Variants in WWC2 observed in about 807,000 individuals in gnomAD.
The protein encoded by WWC2 is protein WWC2.
Under a neutral mutation model 138.5 loss-of-function variants are expected in WWC2, and 101 were observed. The observed-to-expected ratio is 0.73, with a 90% CI of 0.62 to 0.86. The LOEUF is 0.86. Ranked by LOEUF, WWC2 falls within the 40% of genes least tolerant of loss-of-function variation. The probability of loss-of-function intolerance (pLI) is 0.00; values close to 1 mark genes in which losing one functional copy is unlikely to be tolerated. For synonymous variants in WWC2, 558 were observed against 538.4 expected (o/e 1.04, Z -0.50); for missense variants, 1,420 against 1,419.4 (o/e 1.00, Z -0.01).
chr4:183,286,081 T>G (rs1054162775), intron 20 of WWC2, 22 bp downstream of exon 20: 6 of 1,550,632 alleles, frequency 3.9e-6, no homozygotes, highest in Non-Finnish European at 5.2e-6. Context: ...CTCAGCCACG[T>G]CCCACTGTCC....
chr4:183,223,800 G>A (rs1036478977), intron 4 of WWC2, among the ~76,000 whole-genome samples: 16 of 151,966 alleles, frequency 1.1e-4, no homozygotes, highest in Non-Finnish European at 1.6e-4. Flanking sequence ...CGGCAATCTC[G>A]GCTCACTGCA....
intron 1 of WWC2, among the ~76,000 whole-genome samples, chr4:183,168,925 C>T (rs1414667249): frequency 6.6e-6 from 1 of 152,100 alleles, no homozygotes; most frequent in Non-Finnish European, 1.5e-5. Context: ...CTCGGCTCGC[C>T]ACAACCTCTG....
In WWC2 at chr4:183,265,713, T is replaced by G; in HGVS notation, c.2065T>G (p.Tyr689Asp). 1 of 1,611,798 alleles carries G rather than the reference T, an allele frequency of 6.2e-7. No homozygotes were observed. Among genetic ancestry groups the G allele is most frequent in the Non-Finnish European group, 8.5e-7 (1 of 1,179,024 alleles). ...ACCTAGTGAAATGGAAGATGTCACA[T>G]ACAGTGAAGAGGATGTAGCCATTGT... ...KQPSEMEDVT[Y>D]SEEDVAIVET... Residue 689 changes from tyrosine (Y) to aspartate (D), a missense_variant, in exon 13 of 23, where the codon TAC becomes GAC. Transcript: ENST00000403733.
intron 1 of WWC2, among the ~76,000 whole-genome samples, chr4:183,182,385 C>G (rs140079823): frequency 6.6e-6 from 1 of 152,156 alleles, no homozygotes; most frequent in Admixed American, 6.5e-5. Flanking sequence ...ATTGAGGCAG[C>G]CTTGGTGGAT....
Position 183,269,101 on chromosome 4 carries a change from C to G in WWC2, c.2338C>G (p.Gln780Glu). Residue 780 changes from glutamine to glutamate, a missense_variant, in exon 15 of 23, where the codon CAA becomes GAA. Physicochemically the swap from Gln to Glu is conservative, Grantham distance 29 (BLOSUM62 2). Transcript: ENST00000403733. ...FRVAISQTAL[Q>E]QKTLRVDLCS... The stretch of plus-strand genomic sequence containing the variant: ...AGTCGCCATTTCCCAAACAGCCTTA[C>G]AACAGAAGACACTGAGGGTAGACCT... 6.2e-7 allele frequency: 1 copy of G among 1,613,942 alleles called. No homozygotes were observed. The highest frequency in any genetic ancestry group is 8.5e-7 in the Non-Finnish European group (1 of 1,179,882).
intron 1 of WWC2, among the ~76,000 whole-genome samples, chr4:183,124,468 T>C (rs1354405320): frequency 1.3e-5 from 2 of 151,936 alleles, no homozygotes; most frequent in African/African-American, 4.8e-5. Context: ...AAATGACTCT[T>C]TCTAATTCGG....
At position 183,286,032 on chromosome 4, in the gene WWC2, C is replaced by T. The variant is rs143833862; in HGVS notation, c.3114C>T (p.Thr1038=). Residue 1038 remains threonine, a synonymous_variant, in exon 20 of 23, where the codon ACC becomes ACT. Coordinates refer to ENST00000403733, the MANE Select transcript of WWC2 (RefSeq NM_024949.6). ...AATCACTGTTTGTGAGAAACTCCAC[C>T]GAACGCCGCAGTTTGAGGGTCAAAA... ...AKKSLFVRNS[T]ERRSLRVKRT... is the part of the protein sequence containing the mutation. The T allele has an allele frequency of 2.6e-5, 41 of 1,587,158 alleles. 1 individual carries two copies. Among genetic ancestry groups the T allele is most frequent in the Admixed American group, 1.1e-4 (6 of 56,034 alleles).
intron 1 of WWC2, among the ~76,000 whole-genome samples, chr4:183,180,281 C>T (rs779655921): frequency 2.0e-5 from 3 of 152,278 alleles, no homozygotes; most frequent in East Asian, 1.9e-4. Context: ...GCATCTGCAA[C>T]GCAGATATCC....
chr4:183,137,352 A>G (rs879622524), intron 1 of WWC2, among the ~76,000 whole-genome samples: 20 of 152,018 alleles, frequency 1.3e-4, no homozygotes, highest in Admixed American at 3.9e-4. Flanking sequence ...TCCTTGTTCT[A>G]TAAGCTTTTT....
chr4:183,107,866 AATC>A (rs1243509893), intron 1 of WWC2, among the ~76,000 whole-genome samples: 1 of 151,962 alleles, frequency 6.6e-6, no homozygotes, highest in East Asian at 1.9e-4. Context: ...TAGTGTGCAT[AATC>A]ATCATTTAAA....
intron 22 of WWC2, among the ~76,000 whole-genome samples, chr4:183,315,218 G>A (rs1739397006): frequency 1.3e-5 from 2 of 152,124 alleles, no homozygotes; most frequent in South Asian, 2.1e-4. Flanking sequence ...TCGTGGTGTC[G>A]CTCATCAGGT....
intron 2 of WWC2, among the ~76,000 whole-genome samples, chr4:183,196,646 C>G (rs1262765193): frequency 6.6e-6 from 1 of 152,222 alleles, no homozygotes. Context: ...TCATCTCCTG[C>G]CCTGCCTGGC....
At chr4:183,296,921 G>A (rs1367419460) in intron 21 of WWC2, among the ~76,000 whole-genome samples, 80 of 113,770 alleles carry the variant, frequency 7.0e-4, no homozygotes, top group African/African-American at 2.6e-3. Context: ...GCAACAGAGC[G>A]AGACTCCGTC....
At chr4:183,170,493 G>A (rs1489656284) in intron 1 of WWC2, among the ~76,000 whole-genome samples, 1 of 152,140 alleles carries the variant, frequency 6.6e-6, no homozygotes, top group Non-Finnish European at 1.5e-5. Context: ...GCACTTTCGA[G>A]GAGAGCAGGC....
At chr4:183,301,221 T>C (rs1285872642) in intron 21 of WWC2, among the ~76,000 whole-genome samples, 2 of 152,106 alleles carry the variant, frequency 1.3e-5, no homozygotes, top group Admixed American at 6.5e-5. Flanking sequence ...AACAGTTCCT[T>C]ATCTGGGACC....
At chr4:183,157,079 G>C (rs562535586) in intron 1 of WWC2, among the ~76,000 whole-genome samples, 1 of 152,244 alleles carries the variant, frequency 6.6e-6, no homozygotes, top group Admixed American at 6.5e-5. Flanking sequence ...GTCCCCTACT[G>C]TCCTTTATAG....
At chr4:183,234,016 T>C (rs2111295198) in intron 4 of WWC2, 1 of 152,352 alleles carries the variant, frequency 6.6e-6, no homozygotes. Context: ...GATTCACTTT[T>C]AGGGCAAACT....
chr4:183,314,515 G>A (rs147535523), intron 22 of WWC2, among the ~76,000 whole-genome samples: 16 of 152,332 alleles, frequency 1.1e-4, no homozygotes, highest in Non-Finnish European at 2.1e-4. Context: ...GCCTGGGGTG[G>A]TGAGATCAGG....
intron 1 of WWC2, among the ~76,000 whole-genome samples, chr4:183,187,787 C>G (rs1475029645): frequency 4.6e-5 from 7 of 151,476 alleles, no homozygotes; most frequent in Non-Finnish European, 1.0e-4. Context: ...GCAGGAGAAT[C>G]ACTTGAACCT....
Sources: gnomAD v4.1 joint callset for allele counts (sites outside exome capture counted in the v4.1 genomes callset) on GRCh38, gnomAD v4.1.1 for gene constraint, MANE v1.5 for transcripts, NCBI Gene and HGNC (gene_info 2026-07-23, HGNC 2026-07-21) for gene names.